The following ATM variants were observed in gnomAD, a reference collection of about 807,000 sequenced individuals.
ATM encodes serine-protein kinase ATM.
In ATM, 308 loss-of-function variants were observed where a neutral mutation model predicts 387.0. The ratio of observed to expected loss-of-function variants is 0.80; its 90% confidence interval spans 0.73 to 0.87. The LOEUF is 0.87. Among genes scored for constraint, ATM ranks in the 40% least tolerant of loss-of-function variants. ATM has a pLI of 0.00. For synonymous variants in ATM, 1,156 were observed against 1,187.3 expected (o/e 0.97, Z 0.54); for missense variants, 3,312 against 3,560.9 (o/e 0.93, Z 1.78).
intron 27 of ATM, among the ~76,000 whole-genome samples, chr11:108,288,076 CT>C (rs541845370): frequency 1.8e-4 from 26 of 146,006 alleles, no homozygotes; most frequent in Admixed American, 4.8e-4. Flanking sequence ...ATCACCTTTT[CT>C]TTTTTTTTTT....
intron 47 of ATM, 66 bp from the exon 48 acceptor site, chr11:108,327,579 A>C: frequency 7.5e-7 from 1 of 1,336,038 alleles, no homozygotes; most frequent in South Asian, 1.2e-5. Context: ...TTCCCCGTAC[A>C]TGAAGGGCAG....
intron 40 of ATM, among the ~76,000 whole-genome samples, chr11:108,313,861 T>G (rs141308789): frequency 1.1e-3 from 162 of 152,306 alleles, no homozygotes; most frequent in Admixed American, 2.0e-3. Flanking sequence ...TGCAGTATAG[T>G]TCCTAGTTTT....
rs1565503246 is a variant in ATM at position 108,317,461 on chromosome 11, A to G, written c.6287A>G (p.Glu2096Gly). The change falls in exon 43 of 63, where the codon GAA (glutamate) becomes GGA (glycine). Residue 2096 changes from glutamate (E) to glycine (G), a missense_variant. Coordinates refer to ENST00000675843, the MANE Select transcript of ATM (RefSeq NM_000051.4). ...YENKDWCPELEELHYQAAWRN... is the reference protein window; with the variant it reads ...YENKDWCPELGELHYQAAWRN... ...AATAAAGACTGGTGTCCTGAACTAG[A>G]AGAACTTCATTACCAAGCAGCATGG... 2 of 1,612,856 alleles carry G rather than the reference A, an allele frequency of 1.2e-6. No homozygotes were observed. Among genetic ancestry groups the G allele is most frequent in the Non-Finnish European group, 1.7e-6 (2 of 1,179,586 alleles).
intron 39 of ATM, among the ~76,000 whole-genome samples, chr11:108,311,312 A>G (rs1191230134): frequency 6.6e-6 from 1 of 152,096 alleles, no homozygotes; most frequent in Non-Finnish European, 1.5e-5. Context: ...CCATTTGTGT[A>G]CAGAAATGTA....
chr11:108,251,216 A>G, intron 10 of ATM, 144 bp downstream of exon 10: 2 of 1,253,970 alleles, frequency 1.6e-6, no homozygotes, highest in Non-Finnish European at 2.2e-6. Context: ...TGTTTGGCCG[A>G]GAAGACTTAA....
At chr11:108,335,568 T>C (rs759467093) in intron 55 of ATM, among the ~76,000 whole-genome samples, 30 of 152,196 alleles carry the variant, frequency 2.0e-4, no homozygotes, top group Admixed American at 3.3e-4. Context: ...AAAGACACAG[T>C]GCTGTTTTAC....
chr11:108,268,372 C>G (rs1565418884), intron 17 of ATM, 38 bp from the exon 18 acceptor site: 1 of 1,585,432 alleles, frequency 6.3e-7, no homozygotes. Flanking sequence ...GGCTGTTGTG[C>G]CCTTCTCTTA....
intron 45 of ATM, among the ~76,000 whole-genome samples, chr11:108,323,903 G>A (rs1244896925): frequency 1.3e-5 from 2 of 152,146 alleles, no homozygotes; most frequent in African/African-American, 2.4e-5. Context: ...AATTCATCTC[G>A]TTCTGTTAAT....
At chr11:108,284,998 T>C (rs2082418964) in intron 26 of ATM, among the ~76,000 whole-genome samples, 1 of 152,194 alleles carries the variant, frequency 6.6e-6, no homozygotes, top group Non-Finnish European at 1.5e-5. Flanking sequence ...CTTACTCTTT[T>C]GCCAAGACTG....
chr11:108,250,579 A>G (rs2080078971), intron 9 of ATM, 122 bp from the exon 10 acceptor site: 1 of 1,103,298 alleles, frequency 9.1e-7, no homozygotes, highest in Non-Finnish European at 1.3e-6. Flanking sequence ...TTTTTAGAGT[A>G]CTATGGAAAT....
chr11:108,335,661 A>C (rs1233870689), intron 55 of ATM, among the ~76,000 whole-genome samples, 184 bp from the exon 56 acceptor site: 1 of 152,174 alleles, frequency 6.6e-6, no homozygotes, highest in African/African-American at 2.4e-5. Flanking sequence ...TTTCTAAATC[A>C]GTGTAAATGT....
intron 33 of ATM, among the ~76,000 whole-genome samples, chr11:108,299,103 A>C (rs2083275080): frequency 6.6e-6 from 1 of 152,310 alleles, no homozygotes; most frequent in South Asian, 2.1e-4. Context: ...ATTTGTGAAC[A>C]TATTTTAGTA....
chr11:108,289,865 CTTTGTTTTGT>C (rs908565400), intron 29 of ATM, 64 bp downstream of exon 29: 4 of 1,515,990 alleles, frequency 2.6e-6, no homozygotes, highest in Non-Finnish European at 2.7e-6. Context: ...TGTTTTTTTG[CTTTGTTTTGT>C]TTTGTTTTGA....
rs199543313 is a variant in ATM, at chr11:108,272,718, G to A, written c.3154-4G>A. ...CATATTTAACCACAGTTCTTTTCCC[G>A]TAGGCTGATCCTTATTCAAAATGGG... On this transcript the variant is annotated splice_region_variant and splice_polypyrimidine_tract_variant and intron_variant, in intron 21 of 62. Transcript: ENST00000675843. The A allele has an allele frequency of 2.3e-4, 368 of 1,613,642 alleles. 4 individuals carry two copies. The Middle Eastern group carries it at 0.012, about 54-fold the overall frequency.
chr11:108,320,797 C>T (rs1006704638), intron 44 of ATM, among the ~76,000 whole-genome samples: 6 of 152,308 alleles, frequency 3.9e-5, no homozygotes, highest in African/African-American at 1.4e-4. Flanking sequence ...ATTACTTTGA[C>T]TCCTCAAAAG....
Position 108,332,759 on chromosome 11 carries a change from T to G in ATM, c.7789-3T>G, listed in dbSNP as rs864622185. ...TGTAATGTTTTTTGTTTTTTATTAA[T>G]AGGATCGAACAGAGGCTGCAAATAG... On this transcript the variant is annotated splice_polypyrimidine_tract_variant and splice_region_variant and intron_variant, in intron 52 of 62. Transcript: ENST00000675843. 6 of 1,612,118 alleles carry G rather than the reference T, an allele frequency of 3.7e-6. No homozygotes were observed. The highest frequency in any genetic ancestry group is 5.1e-6 in the Non-Finnish European group (6 of 1,179,550).
chr11:108,312,948 C>T (rs1283062484), intron 40 of ATM, among the ~76,000 whole-genome samples: 1 of 152,160 alleles, frequency 6.6e-6, no homozygotes, highest in African/African-American at 2.4e-5. Context: ...TTGGTCAACT[C>T]ATTCCTCCAC....
chr11:108,260,807 G>A (rs549607587), intron 16 of ATM, among the ~76,000 whole-genome samples: 1 of 152,238 alleles, frequency 6.6e-6, no homozygotes, highest in Non-Finnish European at 1.5e-5. Flanking sequence ...CCGAAGCAGG[G>A]CGAGGCATTG....
At chr11:108,257,836 T>A (rs2080602529) in intron 15 of ATM, among the ~76,000 whole-genome samples, 1 of 152,164 alleles carries the variant, frequency 6.6e-6, no homozygotes, top group African/African-American at 2.4e-5. Flanking sequence ...CACTGGTTGG[T>A]GTTACTGTTT....
Sources: gnomAD v4.1 joint callset for allele counts (sites outside exome capture counted in the v4.1 genomes callset) on GRCh38, gnomAD v4.1.1 for gene constraint, MANE v1.5 for transcripts, NCBI Gene and HGNC (gene_info 2026-07-23, HGNC 2026-07-21) for gene names.